SND1: variants seen among roughly 807,000 people sequenced by gnomAD.
SND1 encodes staphylococcal nuclease and tudor domain containing 1, also known as staphylococcal nuclease domain-containing protein 1.
In SND1, 38 loss-of-function variants were observed where a neutral mutation model predicts 121.7. That is an observed-to-expected ratio of 0.31 (90% confidence interval 0.24 to 0.41). The LOEUF (loss-of-function observed/expected upper bound fraction) is 0.41, where lower values mean the gene tolerates loss of function less well. SND1 is among the 10% of genes least tolerant of loss of function. The probability of loss-of-function intolerance (pLI) is 1.00; values close to 1 mark genes in which losing one functional copy is unlikely to be tolerated. For missense variants in SND1, 868 were observed against 1,184.6 expected, an observed-to-expected ratio of 0.73 and a Z score of 3.92; for synonymous variants, 401 against 447.4, an observed-to-expected ratio of 0.90 and a Z score of 1.31.
At chr7:127,767,317 TG>T (rs1450458133) in intron 10 of SND1, among the ~76,000 whole-genome samples, 1 of 152,284 alleles carries the variant, frequency 6.6e-6, no homozygotes, top group South Asian at 2.1e-4. Flanking sequence ...GCTTGCATGG[TG>T]GGGGCCCAGC....
In SND1 at chr7:128,085,412, G is replaced by C. The variant is rs1793672895; in HGVS notation, c.2235-299G>C. Among the ~76,000 whole-genome samples the C allele has an allele frequency of 6.6e-6, 1 of 152,120 alleles. No individual in the cohort carries two copies. Among genetic ancestry groups the C allele is most frequent in the African/African-American group, 2.4e-5 (1 of 41,458 alleles). ...AATTACAGCTGCTGTTTAGTGCACT[G>C]GGTTTAAACAGCAGACATCAATCTA... On this transcript the variant is annotated intron_variant, in intron 19 of 23. Coordinates refer to ENST00000354725, the MANE Select transcript of SND1 (RefSeq NM_014390.4). This position sits in a 1 kb window ranked among gnomAD's most constrained non-coding sequence, Gnocchi z 4.4.
chr7:127,961,648 T>G (rs2116871260), intron 15 of SND1, among the ~76,000 whole-genome samples: 1 of 152,342 alleles, frequency 6.6e-6, no homozygotes, highest in Admixed American at 6.5e-5. Context: ...GTCATCAGCT[T>G]CTGTTTGTTC....
intron 10 of SND1, among the ~76,000 whole-genome samples, chr7:127,728,618 A>G (rs1032351993): frequency 2.0e-5 from 3 of 152,130 alleles, no homozygotes; most frequent in African/African-American, 7.2e-5. Context: ...GTACATCTCT[A>G]CCTTCCATTG....
chr7:128,065,776 G>A (rs1248212381), intron 16 of SND1, among the ~76,000 whole-genome samples: 1 of 152,236 alleles, frequency 6.6e-6, no homozygotes, highest in Non-Finnish European at 1.5e-5. Flanking sequence ...ATGGAAGGCA[G>A]CCTTCTCTCC....
rs552193318 is a variant in SND1, at chr7:127,978,724, T to G, written c.1670-12223T>G. Among the ~76,000 whole-genome samples the G allele has an allele frequency of 5.3e-5, 8 of 152,328 alleles. 1 individual carries two copies. In the South Asian group the frequency reaches 1.4e-3, roughly 28 times the overall value. On this transcript the variant is annotated intron_variant, in intron 15 of 23. Coordinates refer to ENST00000354725, the MANE Select transcript of SND1 (RefSeq NM_014390.4). ...TTTTTATTTATTATAATTTAACATTTTATGCTGTCACCTGTACTGATAACT... is the reference window on the plus strand; with the variant it reads ...TTTTTATTTATTATAATTTAACATTGTATGCTGTCACCTGTACTGATAACT...
chr7:127,805,574 T>C (rs1798220196), intron 10 of SND1, among the ~76,000 whole-genome samples: 1 of 152,208 alleles, frequency 6.6e-6, no homozygotes, highest in Non-Finnish European at 1.5e-5. Flanking sequence ...TTGAAATGTT[T>C]GTATGTGCTA....
At chr7:127,741,966 T>C (rs1022726319) in intron 10 of SND1, among the ~76,000 whole-genome samples, 1 of 152,150 alleles carries the variant, frequency 6.6e-6, no homozygotes, top group African/African-American at 2.4e-5. Context: ...CCCTATCAGG[T>C]TGGACAGTTT....
chr7:127,994,577 A>C (rs986936354), intron 16 of SND1, among the ~76,000 whole-genome samples: 9 of 141,314 alleles, frequency 6.4e-5, no homozygotes, highest in Admixed American at 3.8e-4. Context: ...AAAAAAAAAA[A>C]AAAAAAAACA....
intron 10 of SND1, among the ~76,000 whole-genome samples, chr7:127,746,048 C>T (rs1014588604): frequency 6.6e-6 from 1 of 152,272 alleles, no homozygotes; most frequent in East Asian, 1.9e-4. Context: ...GTGTGTGTCA[C>T]AGTTCAGATT....
intron 8 of SND1, among the ~76,000 whole-genome samples, chr7:127,706,252 T>TGGGGGGGGGGGG (rs1796194976): frequency 1.6e-5 from 1 of 63,030 alleles, no homozygotes; most frequent in Non-Finnish European, 2.8e-5. Context: ...TTGCCCCCCC[T>TGGGGGGGGGGGG]CCCCCCCCCC....
intron 3 of SND1, among the ~76,000 whole-genome samples, chr7:127,697,283 G>T (rs898085996): frequency 2.0e-5 from 3 of 152,126 alleles, no homozygotes; most frequent in Admixed American, 2.0e-4. Context: ...TCCACATTTC[G>T]TTGCCTCCGT....
intron 1 of SND1, among the ~76,000 whole-genome samples, chr7:127,665,544 C>G (rs183343955): frequency 6.6e-6 from 1 of 152,204 alleles, no homozygotes; most frequent in East Asian, 1.9e-4. Context: ...ACTTAAATTT[C>G]ACTATTGAAA....
At chr7:127,747,686 C>T (rs1290978507) in intron 10 of SND1, among the ~76,000 whole-genome samples, 2 of 152,192 alleles carry the variant, frequency 1.3e-5, no homozygotes, top group African/African-American at 4.8e-5. Context: ...CATGTATAGG[C>T]CCACAGCATG....
chr7:127,858,864 C>T (rs1013544865), intron 12 of SND1, among the ~76,000 whole-genome samples: 41 of 152,258 alleles, frequency 2.7e-4, no homozygotes, highest in Admixed American at 2.4e-3. Context: ...TTAGCAGTGG[C>T]GTGGTATTTC....
At chr7:128,067,314 C>A (rs989427607) in intron 16 of SND1, among the ~76,000 whole-genome samples, 2 of 152,172 alleles carry the variant, frequency 1.3e-5, no homozygotes, top group African/African-American at 4.8e-5. Context: ...CCATCCAGGC[C>A]GCTTGCTGTG....
At chr7:127,979,391 T>C (rs993106886) in intron 15 of SND1, among the ~76,000 whole-genome samples, 5 of 152,222 alleles carry the variant, frequency 3.3e-5, no homozygotes, top group African/African-American at 1.2e-4. Context: ...CCCCTATTGC[T>C]GTGTCGTTTC....
chr7:127,664,070 GGC>G (rs1795366927), intron 1 of SND1, among the ~76,000 whole-genome samples: 2 of 152,178 alleles, frequency 1.3e-5, no homozygotes, highest in Non-Finnish European at 2.9e-5. Context: ...CTGTTGCTCA[GGC>G]TGGAGTGCAG....
intron 15 of SND1, among the ~76,000 whole-genome samples, chr7:127,950,774 A>G (rs533787456): frequency 2.5e-4 from 38 of 152,214 alleles, no homozygotes; most frequent in Non-Finnish European, 3.7e-4. Context: ...TCTCAGATGT[A>G]TATAGGATTA....
At chr7:128,063,909 C>T (rs1316527096) in intron 16 of SND1, among the ~76,000 whole-genome samples, 6 of 152,164 alleles carry the variant, frequency 3.9e-5, no homozygotes, top group Non-Finnish European at 5.9e-5. Context: ...ATAATGAAGG[C>T]CACAATGGCA....
Sources: gnomAD v4.1 joint callset for allele counts (sites outside exome capture counted in the v4.1 genomes callset) on GRCh38, gnomAD v4.1.1 for gene constraint, Gnocchi (gnomAD v3.1) non-coding constraint, MANE v1.5 for transcripts, NCBI Gene and HGNC (gene_info 2026-07-23, HGNC 2026-07-21) for gene names.